Variants in GRM5 observed in about 807,000 individuals in gnomAD.
GRM5 encodes the protein glutamate metabotropic receptor 5, also known as metabotropic glutamate receptor 5.
In GRM5, 19 loss-of-function variants were observed where a neutral mutation model predicts 83.1. The observed-to-expected ratio is 0.23, with a 90% confidence interval of 0.16 to 0.34. The LOEUF (loss-of-function observed/expected upper bound fraction) is 0.34, where lower values mean the gene tolerates loss of function less well. GRM5 is among the 10% of genes least tolerant of loss of function. GRM5 has a pLI of 1.00. For missense variants in GRM5, 1,160 were observed against 1,588.3 expected, an observed-to-expected ratio of 0.73 and a Z score of 4.58; for synonymous variants, 675 against 633.6, an observed-to-expected ratio of 1.07 and a Z score of -0.98.
At chr11:88,566,930 T>C in intron 8 of GRM5, 123 bp downstream of exon 8, 1 of 647,218 alleles carries the variant, frequency 1.5e-6, no homozygotes, top group Non-Finnish European at 2.7e-6. Flanking sequence ...GTCCATGCCG[T>C]AAGTCACCCT....
At chr11:88,888,251 G>T (rs190346035) in intron 2 of GRM5, among the ~76,000 whole-genome samples, 12 of 152,250 alleles carry the variant, frequency 7.9e-5, no homozygotes, top group African/African-American at 2.9e-4. Context: ...TCTCATGGAG[G>T]GATGTTATGT....
chr11:88,611,471 T>A (rs1325864191), intron 4 of GRM5, among the ~76,000 whole-genome samples: 1 of 152,184 alleles, frequency 6.6e-6, no homozygotes, highest in Non-Finnish European at 1.5e-5. Flanking sequence ...GAAATTTACC[T>A]ATTTCTCCTA....
At chr11:88,697,290 T>C (rs546518888) in intron 3 of GRM5, among the ~76,000 whole-genome samples, 32 of 152,282 alleles carry the variant, frequency 2.1e-4, no homozygotes, top group African/African-American at 7.5e-4. Context: ...TCTGCGGCAC[T>C]TTTTCCTGAC....
chr11:88,983,074 A>ACATACACACAC (rs1491557751), intron 2 of GRM5, among the ~76,000 whole-genome samples: 12,228 of 152,038 alleles, frequency 0.08, 1,529 homozygotes, highest in African/African-American at 0.27. Context: ...CACACACACA[A>ACATACACACAC]ACACAAAATT....
At chr11:88,848,109 T>C (rs1187325892) in intron 3 of GRM5, among the ~76,000 whole-genome samples, 5 of 152,310 alleles carry the variant, frequency 3.3e-5, no homozygotes, top group African/African-American at 1.2e-4. Context: ...TCTGTTATTT[T>C]TACTGCAGTG....
chr11:88,819,024 T>G (rs188070831), intron 3 of GRM5, among the ~76,000 whole-genome samples: 230 of 152,314 alleles, frequency 1.5e-3, no homozygotes, highest in African/African-American at 3.9e-3. Context: ...CTATAATTAG[T>G]CACATTGGTT....
chr11:88,913,662 C>T (rs1766244017), intron 2 of GRM5, among the ~76,000 whole-genome samples: 1 of 147,538 alleles, frequency 6.8e-6, no homozygotes, highest in East Asian at 2.0e-4. Flanking sequence ...TCTCGGCTCA[C>T]TCCAACCTCT....
chr11:88,988,122 G>A (rs1320045673), intron 2 of GRM5, among the ~76,000 whole-genome samples: 2 of 149,190 alleles, frequency 1.3e-5, no homozygotes, highest in Non-Finnish European at 3.0e-5. Flanking sequence ...AAAAAATTTA[G>A]AAGAATGTAT....
intron 2 of GRM5, among the ~76,000 whole-genome samples, chr11:88,970,058 C>G (rs1939120470): frequency 6.6e-6 from 1 of 152,188 alleles, no homozygotes; most frequent in Admixed American, 6.5e-5. Context: ...TCTTCCGTAT[C>G]TAACATGTAT....
intron 3 of GRM5, 129 bp from the exon 4 acceptor site, chr11:88,653,532 A>G: frequency 1.7e-6 from 1 of 603,744 alleles, no homozygotes; most frequent in Admixed American, 3.0e-5. Flanking sequence ...CCTATATTAC[A>G]CCGACATGAT....
chr11:88,928,907 T>TATATACACACACAC (rs369951090), intron 2 of GRM5, among the ~76,000 whole-genome samples: 10 of 138,762 alleles, frequency 7.2e-5, no homozygotes, highest in African/African-American at 2.5e-4. Flanking sequence ...TATGTGTATA[T>TATATACACACACAC]ACACACACAC....
intron 8 of GRM5, among the ~76,000 whole-genome samples, chr11:88,534,940 T>A (rs756087586): frequency 1.3e-5 from 2 of 152,194 alleles, no homozygotes; most frequent in African/African-American, 2.4e-5. Flanking sequence ...TTTGCTTGGC[T>A]GTCATTCTCT....
At chr11:88,863,348 A>G (rs1278736595) in intron 2 of GRM5, among the ~76,000 whole-genome samples, 6 of 151,692 alleles carry the variant, frequency 4.0e-5, no homozygotes. Flanking sequence ...TAGTAAAGAC[A>G]TGGAATCAAC....
chr11:88,797,988 T>C (rs1314937046), intron 3 of GRM5, among the ~76,000 whole-genome samples: 3 of 152,130 alleles, frequency 2.0e-5, no homozygotes, highest in African/African-American at 7.2e-5. Context: ...TGATTTTTCC[T>C]TCCATGCATA....
At chr11:88,757,025 T>C (rs77746647) in intron 3 of GRM5, among the ~76,000 whole-genome samples, 8,099 of 151,278 alleles carry the variant, frequency 0.054, 406 homozygotes, top group Admixed American at 0.16. Flanking sequence ...AAAGAGAAAA[T>C]CTTGAAAACA....
intron 1 of GRM5, among the ~76,000 whole-genome samples, chr11:89,060,549 AC>A (rs1941970900): frequency 1.3e-5 from 2 of 152,138 alleles, no homozygotes; most frequent in African/African-American, 4.8e-5. Context: ...AAAATAACAT[AC>A]CTACTGCTTA....
At chr11:88,699,527 T>G (rs1940979304) in intron 3 of GRM5, among the ~76,000 whole-genome samples, 2 of 152,172 alleles carry the variant, frequency 1.3e-5, no homozygotes, top group Admixed American at 1.3e-4. Context: ...CTCCATCATC[T>G]TCATCTAAGA....
intron 8 of GRM5, among the ~76,000 whole-genome samples, chr11:88,531,589 G>T (rs1243862840): frequency 1.3e-5 from 2 of 152,124 alleles, no homozygotes; most frequent in African/African-American, 4.8e-5. Flanking sequence ...CATACTTAGA[G>T]ACATGTTTTC....
chr11:88,898,372 T>C (rs1289491176), intron 2 of GRM5, among the ~76,000 whole-genome samples: 3 of 152,030 alleles, frequency 2.0e-5, no homozygotes, highest in South Asian at 4.1e-4. Context: ...TCTGTAGTAA[T>C]GGGCATTTGG....
Sources: gnomAD v4.1 joint callset for allele counts (sites outside exome capture counted in the v4.1 genomes callset) on GRCh38, gnomAD v4.1.1 for gene constraint, MANE v1.5 for transcripts, NCBI Gene and HGNC (gene_info 2026-07-23, HGNC 2026-07-21) for gene names.